The following VIPR2 variants were observed in gnomAD, a reference collection of about 807,000 sequenced individuals.
VIPR2 encodes the protein vasoactive intestinal peptide receptor 2, also known as vasoactive intestinal polypeptide receptor 2.
In VIPR2, 48 loss-of-function variants were observed where a neutral mutation model predicts 58.0. The observed-to-expected ratio is 0.83, with a 90% CI of 0.66 to 1.05. The LOEUF (loss-of-function observed/expected upper bound fraction) is 1.05, where lower values mean the gene tolerates loss of function less well. VIPR2 is among the 50% of genes least tolerant of loss of function. The pLI, the probability that VIPR2 is intolerant of heterozygous loss-of-function variation, is 0.00. For missense variants in VIPR2, 534 were observed against 558.0 expected (o/e 0.96, Z 0.43); for synonymous variants, 243 against 235.2 (o/e 1.03, Z -0.30).
intron 3 of VIPR2, among the ~76,000 whole-genome samples, chr7:159,108,216 C>T (rs1197492719): frequency 2.0e-5 from 3 of 152,216 alleles, no homozygotes; most frequent in Non-Finnish European, 4.4e-5. Context: ...TTCTGTGGTA[C>T]GATGCCAGGT....
At chr7:159,063,017 C>T (rs1055229017) in intron 4 of VIPR2, among the ~76,000 whole-genome samples, 2 of 152,214 alleles carry the variant, frequency 1.3e-5, no homozygotes, top group African/African-American at 2.4e-5. Context: ...GGTGTATTTA[C>T]AATCTCTTAG....
chr7:159,135,348 C>T (rs1797171336), intron 2 of VIPR2, among the ~76,000 whole-genome samples: 1 of 152,062 alleles, frequency 6.6e-6, no homozygotes, highest in South Asian at 2.1e-4. Context: ...AGGAGAATTG[C>T]TTCAACCCAG....
Position 159,097,320 on chromosome 7 carries a change from C to T in VIPR2, c.357+6437G>A, listed in dbSNP as rs886683219. The T allele has an allele frequency of 1.1e-5, 14 of 1,250,606 alleles. No homozygotes were observed. The highest frequency in any genetic ancestry group is 1.4e-5 in the Non-Finnish European group (14 of 973,448). 77.5% of individuals were successfully genotyped at this position (1,250,606 alleles called of 1,614,324 possible). On this transcript the variant is annotated intron_variant, in intron 4 of 12. Coordinates refer to ENST00000262178, the MANE Select transcript of VIPR2 (RefSeq NM_003382.5). The surrounding 1 kb of genome is among the most constrained non-coding windows in gnomAD (Gnocchi z 5.3). ...TGTGTGCACTTGAAGCATGGGGAGGCCGAAATGCCAAACAGTTCTCTTGGC... is the reference window on the plus strand; with the variant it reads ...TGTGTGCACTTGAAGCATGGGGAGGTCGAAATGCCAAACAGTTCTCTTGGC...
At chr7:159,075,056 C>A (rs896931033) in intron 4 of VIPR2, among the ~76,000 whole-genome samples, 2 of 152,180 alleles carry the variant, frequency 1.3e-5, no homozygotes, top group Non-Finnish European at 2.9e-5. Context: ...TAAAGACAGG[C>A]TAAGAAACCT....
At position 159,030,628 on chromosome 7, in the gene VIPR2, G is replaced by T; in HGVS notation, c.1305C>A (p.Thr435=). 6.5e-7 allele frequency: 1 copy of T among 1,548,160 alleles called. No homozygotes were observed. Among genetic ancestry groups the T allele is most frequent in the Non-Finnish European group, 8.7e-7 (1 of 1,146,770 alleles). The change falls in exon 13 of 13, where the codon ACC becomes ACA. Residue 435 remains threonine, a synonymous_variant. Transcript: ENST00000262178. ...SRAQSFLQTE[T]SVI ...GGCAGGGGTGGGGCTAGATGACCGA[G>T]GTCTCCGTTTGCAGGAAGGACTGGG...
chr7:159,061,484 T>TA (rs906979415), intron 4 of VIPR2, among the ~76,000 whole-genome samples: 5 of 150,278 alleles, frequency 3.3e-5, no homozygotes, highest in African/African-American at 9.8e-5. Flanking sequence ...CCCGTCTCCA[T>TA]AAAAAAAATG....
At chr7:159,118,088 C>T (rs1188116253) in intron 2 of VIPR2, among the ~76,000 whole-genome samples, 4 of 152,186 alleles carry the variant, frequency 2.6e-5, no homozygotes, top group Non-Finnish European at 4.4e-5. Flanking sequence ...TCCCAGTCAT[C>T]GAATACTCCC....
At chr7:159,120,744 G>A (rs949668571) in intron 2 of VIPR2, among the ~76,000 whole-genome samples, 3 of 152,130 alleles carry the variant, frequency 2.0e-5, no homozygotes, top group African/African-American at 4.8e-5. Flanking sequence ...GTGTCCCACC[G>A]CACCCTATTT....
chr7:159,034,383 C>T, intron 9 of VIPR2, 79 bp from the exon 10 acceptor site: 17 of 1,426,768 alleles, frequency 1.2e-5, no homozygotes, highest in Non-Finnish European at 1.5e-5. Context: ...TTTCGACCCT[C>T]CCCTCCGCTC....
At chr7:159,108,475 C>A (rs1795859106) in intron 3 of VIPR2, among the ~76,000 whole-genome samples, 1 of 152,242 alleles carries the variant, frequency 6.6e-6, no homozygotes, top group East Asian at 1.9e-4. Context: ...TGGGGAAACA[C>A]CACAAGTTTC....
intron 2 of VIPR2, among the ~76,000 whole-genome samples, chr7:159,123,866 T>C (rs1796561026): frequency 2.0e-5 from 3 of 152,246 alleles, no homozygotes; most frequent in Admixed American, 2.0e-4. Flanking sequence ...AGATGGTATC[T>C]CATAATGGTA....
Position 159,137,623 on chromosome 7 carries a change from G to A in VIPR2, c.151+4823C>T, listed in dbSNP as rs374352895. On this transcript the variant is annotated intron_variant, in intron 2 of 12. Coordinates refer to ENST00000262178, the MANE Select transcript of VIPR2 (RefSeq NM_003382.5). ...TGCCTTCAAGTTACCCTCCTGCCTCGATCTCCCAAAGTGCTGGGGTTACAG... is the reference window on the plus strand; with the variant it reads ...TGCCTTCAAGTTACCCTCCTGCCTCAATCTCCCAAAGTGCTGGGGTTACAG... 1.6e-4 allele frequency among the ~76,000 whole-genome samples: 24 copies of A among 152,208 alleles called. 1 individual carries two copies. The East Asian group carries it at 2.5e-3, about 16-fold the overall frequency.
intron 5 of VIPR2, among the ~76,000 whole-genome samples, chr7:159,045,455 G>A (rs1854587667): frequency 6.6e-6 from 1 of 152,154 alleles, no homozygotes; most frequent in South Asian, 2.1e-4. Flanking sequence ...TTTGACAAGG[G>A]TGCCAAGGAC....
chr7:159,037,059 G>A (rs1854013413), intron 6 of VIPR2, among the ~76,000 whole-genome samples, 157 bp from the exon 7 acceptor site: 1 of 152,274 alleles, frequency 6.6e-6, no homozygotes, highest in Non-Finnish European at 1.5e-5. Context: ...ACAGAGGCCA[G>A]GGCGCTGGCC....
chr7:159,130,647 G>C (rs528006981), intron 2 of VIPR2, among the ~76,000 whole-genome samples: 1 of 152,292 alleles, frequency 6.6e-6, no homozygotes, highest in African/African-American at 2.4e-5. Flanking sequence ...AAAAACCCTA[G>C]CCTCTGAGCC....
At chr7:159,141,083 C>T (rs1431945601) in intron 2 of VIPR2, among the ~76,000 whole-genome samples, 2 of 152,352 alleles carry the variant, frequency 1.3e-5, no homozygotes, top group Middle Eastern at 3.4e-3. Context: ...TGTCTCTCCT[C>T]AGGACTACCT....
At chr7:159,130,445 T>C (rs1190718212) in intron 2 of VIPR2, among the ~76,000 whole-genome samples, 1 of 73,550 alleles carries the variant, frequency 1.4e-5, no homozygotes, top group African/African-American at 4.2e-5. Flanking sequence ...AGATTGGCCT[T>C]TTGAGATATC....
At chr7:159,079,373 G>A (rs1025973759) in intron 4 of VIPR2, among the ~76,000 whole-genome samples, 2 of 152,090 alleles carry the variant, frequency 1.3e-5, no homozygotes, top group Non-Finnish European at 2.9e-5. Flanking sequence ...AATGACTACT[G>A]GGTACATAAC....
At chr7:159,138,713 G>A (rs1423059329) in intron 2 of VIPR2, among the ~76,000 whole-genome samples, 1 of 152,256 alleles carries the variant, frequency 6.6e-6, no homozygotes, top group Non-Finnish European at 1.5e-5. Flanking sequence ...GAAAAGCGGG[G>A]TCTACCCACG....
Sources: gnomAD v4.1 joint callset for allele counts (sites outside exome capture counted in the v4.1 genomes callset) on GRCh38, gnomAD v4.1.1 for gene constraint, Gnocchi (gnomAD v3.1) non-coding constraint, MANE v1.5 for transcripts, NCBI Gene and HGNC (gene_info 2026-07-23, HGNC 2026-07-21) for gene names.